The following WDR27 variants were observed in gnomAD, a reference collection of about 807,000 sequenced individuals.
WDR27 encodes WD repeat-containing protein 27.
WDR27 carries 100 observed loss-of-function variants against 114.4 expected under a neutral mutation model. The observed-to-expected ratio is 0.87, with a 90% CI of 0.74 to 1.03. The LOEUF (loss-of-function observed/expected upper bound fraction) is 1.03, where lower values mean the gene tolerates loss of function less well. Among genes scored for constraint, WDR27 ranks in the 50% least tolerant of loss-of-function variants. The probability of loss-of-function intolerance (pLI) is 0.00; values close to 1 mark genes in which losing one functional copy is unlikely to be tolerated. For missense variants in WDR27, 1,129 were observed against 1,092.9 expected, an observed-to-expected ratio of 1.03 and a Z score of -0.47; for synonymous variants, 449 against 423.1, an observed-to-expected ratio of 1.06 and a Z score of -0.75.
intron 23 of WDR27, among the ~76,000 whole-genome samples, chr6:169,585,548 TA>T (rs1562635033): frequency 6.6e-6 from 1 of 152,170 alleles, no homozygotes; most frequent in Non-Finnish European, 1.5e-5. Context: ...ACTTTACTCA[TA>T]ACCTACTGTT....
intron 25 of WDR27, among the ~76,000 whole-genome samples, chr6:169,566,655 T>G (rs1800549804): frequency 7.3e-6 from 1 of 137,070 alleles, no homozygotes; most frequent in Non-Finnish European, 1.6e-5. Context: ...CTGTTGGAGT[T>G]GAGGCAACGT....
intron 25 of WDR27, among the ~76,000 whole-genome samples, chr6:169,492,287 A>G (rs148429832): frequency 2.9e-4 from 44 of 152,174 alleles, no homozygotes; most frequent in African/African-American, 8.9e-4. Flanking sequence ...AACTCAATGA[A>G]ATATAATATT....
intron 2 of WDR27, among the ~76,000 whole-genome samples, chr6:169,682,063 G>A (rs1369792655): frequency 1.3e-5 from 2 of 152,128 alleles, no homozygotes; most frequent in African/African-American, 4.8e-5. Flanking sequence ...AATGTGACCA[G>A]GCTCTCCAAC....
chr6:169,519,164 C>A (rs1449733961), intron 25 of WDR27, among the ~76,000 whole-genome samples: 1 of 152,176 alleles, frequency 6.6e-6, no homozygotes, highest in Non-Finnish European at 1.5e-5. Context: ...TAAGAAGTTC[C>A]AGATTTTCCC....
intron 21 of WDR27, among the ~76,000 whole-genome samples, chr6:169,617,511 G>T (rs1048239125): frequency 6.6e-6 from 1 of 152,168 alleles, no homozygotes; most frequent in Non-Finnish European, 1.5e-5. Flanking sequence ...AAGTGGTTAG[G>T]ATTACAAGGT....
chr6:169,676,689 CT>C (rs1780152035), intron 2 of WDR27, among the ~76,000 whole-genome samples: 1 of 152,170 alleles, frequency 6.6e-6, no homozygotes, highest in Non-Finnish European at 1.5e-5. Context: ...CCAGACATTC[CT>C]TCTATTGAGT....
chr6:169,459,378 C>T (rs143725701), intron 25 of WDR27, among the ~76,000 whole-genome samples: 1 of 151,848 alleles, frequency 6.6e-6, no homozygotes, highest in East Asian at 1.9e-4. Context: ...TAGAAACTAT[C>T]AAGTCTGAGG....
chr6:169,655,716 GTTTT>G (rs1394571159), intron 13 of WDR27, among the ~76,000 whole-genome samples: 1 of 151,962 alleles, frequency 6.6e-6, no homozygotes, highest in South Asian at 2.1e-4. Flanking sequence ...GCAGGGCAGA[GTTTT>G]TTTTGTTTTT....
intron 16 of WDR27, 47 bp from the exon 17 acceptor site, chr6:169,643,833 A>G: frequency 1.3e-6 from 2 of 1,494,288 alleles, no homozygotes; most frequent in Non-Finnish European, 1.8e-6. Context: ...AGCCTAATTC[A>G]TAGGAGTCAC....
intron 7 of WDR27, 58 bp from the exon 8 acceptor site, chr6:169,664,344 C>T: frequency 6.2e-7 from 1 of 1,609,488 alleles, no homozygotes; most frequent in Admixed American, 1.7e-5. Flanking sequence ...GACGCAGAAG[C>T]AGCAACACCA....
At chr6:169,641,467 GA>G (rs1320969939) in intron 17 of WDR27, among the ~76,000 whole-genome samples, 1 of 152,168 alleles carries the variant, frequency 6.6e-6, no homozygotes, top group Non-Finnish European at 1.5e-5. Context: ...AGTGTGATGA[GA>G]TGAGAAGCTT....
chr6:169,668,185 G>C lies in WDR27; in HGVS notation c.457C>G (p.Gln153Glu). The C allele has an allele frequency of 6.2e-7, 1 of 1,613,878 alleles. No homozygotes were observed. Among genetic ancestry groups the C allele is most frequent in the Non-Finnish European group, 8.5e-7 (1 of 1,179,826 alleles). The change falls in exon 5 of 26, where the codon CAG becomes GAG. Residue 153 changes from glutamine to glutamate, a missense_variant and splice_region_variant. Coordinates refer to ENST00000448612, the MANE Select transcript of WDR27 (RefSeq NM_182552.5). ...TCTATGTATGTCACAGAAAATCGCT[G>C]CTATTAAAATAAAGCCCAAATTATT... ...GNKIFMLDIE[Q>E]RFSVTYIERP...
chr6:169,542,294 G>A (rs1467783323), intron 25 of WDR27, among the ~76,000 whole-genome samples: 2 of 152,034 alleles, frequency 1.3e-5, no homozygotes, highest in Non-Finnish European at 2.9e-5. Context: ...CAGTATCTTA[G>A]CCAGTTATTA....
chr6:169,577,410 G>T (rs1267324470), intron 24 of WDR27, among the ~76,000 whole-genome samples: 1 of 152,214 alleles, frequency 6.6e-6, no homozygotes, highest in African/African-American at 2.4e-5. Flanking sequence ...AGGGAAAGGG[G>T]ACTTGGCGGG....
chr6:169,440,873 C>T, the WDR27 span, among the ~76,000 whole-genome samples: 38 of 152,310 alleles, frequency 2.5e-4, no homozygotes, highest in South Asian at 7.2e-3. Flanking sequence ...AACAAGTCTT[C>T]CCACTTCCTC....
Position 169,597,877 on chromosome 6 carries a change from T to TTCATAC in WDR27, c.2424+4341_2424+4342insGTATGA, listed in dbSNP as rs1199110824. On this transcript the variant is annotated intron_variant, in intron 23 of 25. Transcript: ENST00000448612. Reference sequence around the variant, plus strand: ...GCACAACTTCACCTCTTACCATTCATACACACACACACACACACACACACA... The same window carrying TTCATAC: ...GCACAACTTCACCTCTTACCATTCATTCATACACACACACACACACACACACACACA... Among the ~76,000 whole-genome samples, 543 of 142,288 alleles carry TTCATAC rather than the reference T, an allele frequency of 3.8e-3. 3 individuals are homozygous for TTCATAC. Among genetic ancestry groups the TTCATAC allele is most frequent in the Non-Finnish European group, 5.6e-3 (367 of 65,226 alleles). 93.3% of individuals were successfully genotyped at this position (142,288 alleles called of 152,430 possible). A position where few individuals can be genotyped will look rare whatever the true frequency, so the allele number is the denominator to read the frequency against.
At chr6:169,697,942 G>A (rs1244971501) in intron 1 of WDR27, among the ~76,000 whole-genome samples, 5 of 152,174 alleles carry the variant, frequency 3.3e-5, no homozygotes, top group African/African-American at 7.2e-5. Flanking sequence ...CCCGCGCACG[G>A]GGAGAGACCC....
intron 2 of WDR27, among the ~76,000 whole-genome samples, chr6:169,681,689 A>G (rs969375297): frequency 3.3e-5 from 5 of 152,204 alleles, no homozygotes; most frequent in African/African-American, 7.2e-5. Flanking sequence ...CTTCGCTCCA[A>G]TTCCCTCATC....
chr6:169,624,920 G>A (rs188874981), intron 21 of WDR27, among the ~76,000 whole-genome samples: 12 of 152,314 alleles, frequency 7.9e-5, no homozygotes, highest in East Asian at 5.8e-4. Flanking sequence ...AAGAGCAGCC[G>A]TCCCACAGCC....
Sources: gnomAD v4.1 joint callset for allele counts (sites outside exome capture counted in the v4.1 genomes callset) on GRCh38, gnomAD v4.1.1 for gene constraint, MANE v1.5 for transcripts, NCBI Gene and HGNC (gene_info 2026-07-23, HGNC 2026-07-21) for gene names.